BLMH: variants seen among roughly 807,000 people sequenced by gnomAD.
The protein encoded by BLMH is BLM hydrolase.
In BLMH, 32 loss-of-function variants were observed where a neutral mutation model predicts 61.6. That is an observed-to-expected ratio of 0.52 (90% confidence interval 0.39 to 0.70). The LOEUF is 0.70. BLMH is among the 30% of genes least tolerant of loss of function. The pLI, the probability that BLMH is intolerant of heterozygous loss-of-function variation, is 0.00. For missense variants in BLMH, 460 were observed against 555.5 expected (o/e 0.83, Z 1.73); for synonymous variants, 183 against 193.8 (o/e 0.94, Z 0.46).
intron 10 of BLMH, among the ~76,000 whole-genome samples, chr17:30,270,999 T>G (rs1463312233): frequency 6.6e-6 from 1 of 152,238 alleles, no homozygotes; most frequent in African/African-American, 2.4e-5. Context: ...CCTTGCTGAC[T>G]TCTCTTTAAA....
At chr17:30,287,134 C>A (rs1908755788) in intron 4 of BLMH, among the ~76,000 whole-genome samples, 1 of 152,122 alleles carries the variant, frequency 6.6e-6, no homozygotes, top group Non-Finnish European at 1.5e-5. Flanking sequence ...CAGCCTTGAA[C>A]TCCCAGGCTT....
chr17:30,291,116 G>A, intron 2 of BLMH, 195 bp downstream of exon 2: 1 of 631,534 alleles, frequency 1.6e-6, no homozygotes, highest in Admixed American at 2.9e-5. Context: ...CTAACCGCAT[G>A]TACTAACAAG....
At chr17:30,260,754 G>A (rs987765306) in intron 11 of BLMH, among the ~76,000 whole-genome samples, 12 of 152,074 alleles carry the variant, frequency 7.9e-5, no homozygotes, top group African/African-American at 2.9e-4. Flanking sequence ...ATGGTGGCAG[G>A]CACCTGTGAT....
chr17:30,256,133 T>C (rs1907808278), intron 11 of BLMH, among the ~76,000 whole-genome samples: 1 of 152,132 alleles, frequency 6.6e-6, no homozygotes, highest in Non-Finnish European at 1.5e-5. Flanking sequence ...GCAATCCTCC[T>C]GTTTTGGCCT....
chr17:30,282,547 C>T (rs547776653), intron 6 of BLMH, among the ~76,000 whole-genome samples: 20 of 152,132 alleles, frequency 1.3e-4, no homozygotes, highest in Admixed American at 2.0e-4. Context: ...TAAGGGGATC[C>T]GCAGGCTAAA....
At chr17:30,286,457 G>C (rs1020982303) in intron 5 of BLMH, among the ~76,000 whole-genome samples, 3 of 152,138 alleles carry the variant, frequency 2.0e-5, no homozygotes, top group Admixed American at 6.5e-5. Context: ...GCTCTTTTTG[G>C]TTTTACTAGC....
At chr17:30,275,476 T>A (rs567131653) in intron 6 of BLMH, among the ~76,000 whole-genome samples, 1 of 151,900 alleles carries the variant, frequency 6.6e-6, no homozygotes, top group African/African-American at 2.4e-5. Flanking sequence ...CTGGCCAACA[T>A]GGTGAAACCC....
intron 6 of BLMH, among the ~76,000 whole-genome samples, chr17:30,277,430 A>AAGGT (rs1908452621): frequency 6.6e-6 from 1 of 152,364 alleles, no homozygotes; most frequent in East Asian, 1.9e-4. Context: ...AATGACAATG[A>AAGGT]AGGTGTACAG....
chr17:30,250,343 C>T (rs978856696), intron 11 of BLMH: 6 of 152,162 alleles, frequency 3.9e-5, no homozygotes, highest in African/African-American at 1.4e-4. Flanking sequence ...AAAGGACTAA[C>T]ACCCAGAGTC....
intron 4 of BLMH, 72 bp from the exon 5 acceptor site, chr17:30,286,974 C>A: frequency 3.2e-6 from 3 of 949,128 alleles, no homozygotes; most frequent in Non-Finnish European, 4.9e-6. Context: ...GTGATTGTTT[C>A]AAAAAATAGG....
chr17:30,276,901 T>C (rs1268841450), intron 6 of BLMH, among the ~76,000 whole-genome samples: 1 of 152,262 alleles, frequency 6.6e-6, no homozygotes, highest in Non-Finnish European at 1.5e-5. Flanking sequence ...TTTTACTTTA[T>C]AACCATTGAT....
intron 11 of BLMH, chr17:30,249,388 T>G: frequency 1.9e-6 from 1 of 525,264 alleles, no homozygotes; most frequent in Non-Finnish European, 3.4e-6. Flanking sequence ...GGGTCTTGAG[T>G]AACTAGGTGA....
intron 6 of BLMH, among the ~76,000 whole-genome samples, chr17:30,277,316 A>C (rs550088475): frequency 6.6e-6 from 1 of 152,344 alleles, no homozygotes; most frequent in African/African-American, 2.4e-5. Context: ...TCTGTTTGGG[A>C]TTCACATTCA....
Position 30,285,385 on chromosome 17 carries a change from T to C in BLMH, c.645+3A>G, listed in dbSNP as rs1167336216. ...CACAAAAAAATCCAAATTTTGTTAT[T>C]ACCTCCTCCATCATGACGTCCTGTG... On this transcript the variant is annotated splice_donor_region_variant and intron_variant, in intron 6 of 11. Transcript: ENST00000261714. 5.6e-6 allele frequency: 9 copies of C among 1,604,708 alleles called. No individual in the cohort carries two copies. The highest frequency in any genetic ancestry group is 7.7e-6 in the Non-Finnish European group (9 of 1,175,540).
chr17:30,278,128 G>T (rs1349241442), intron 6 of BLMH, among the ~76,000 whole-genome samples: 1 of 151,880 alleles, frequency 6.6e-6, no homozygotes, highest in African/African-American at 2.4e-5. Context: ...ATGCTCCAAA[G>T]AATAATTTCC....
chr17:30,287,776 T>C (rs1295105906), intron 4 of BLMH, 30 bp downstream of exon 4: 1 of 1,611,696 alleles, frequency 6.2e-7, no homozygotes, highest in South Asian at 1.1e-5. Flanking sequence ...TCATGCTGAG[T>C]TTCAGTTCCA....
At chr17:30,253,292 A>G (rs1435078415) in intron 11 of BLMH, among the ~76,000 whole-genome samples, 3 of 152,242 alleles carry the variant, frequency 2.0e-5, no homozygotes, top group Non-Finnish European at 2.9e-5. Context: ...ATCTTGTTCC[A>G]AAAGCATATC....
At chr17:30,268,882 C>CA (rs571645144) in intron 10 of BLMH, among the ~76,000 whole-genome samples, 4,486 of 51,482 alleles carry the variant, frequency 0.087, 178 homozygotes, top group African/African-American at 0.21. Flanking sequence ...ACTAAAAATA[C>CA]AAAAAAAAAA....
chr17:30,271,347 A>G lies in BLMH; in HGVS notation c.1070T>C (p.Met357Thr), dbSNP rs1908265688. The G allele has an allele frequency of 6.2e-7, 1 of 1,614,170 alleles. No individual in the cohort carries two copies. Among genetic ancestry groups the G allele is most frequent in the East Asian group, 2.2e-5 (1 of 44,884 alleles). Reference sequence around the variant, plus strand: ...AAAAGTCAGCCTCTCCGCTTTATTCATGTTCTTCAAGGAGACACCAAACAC... The same window carrying G: ...AAAAGTCAGCCTCTCCGCTTTATTCGTGTTCTTCAAGGAGACACCAAACAC... ...ELVFGVSLKN[M>T]NKAERLTFGE... Residue 357 changes from methionine to threonine, a missense_variant, in exon 10 of 12, where the codon ATG (methionine) becomes ACG (threonine). Physicochemically the swap from Met to Thr is moderately conservative, Grantham distance 81. This residue lies in a region of BLMH where 310 missense variants were observed against 371.1 expected (regional missense o/e 0.84). Coordinates refer to ENST00000261714, the MANE Select transcript of BLMH (RefSeq NM_000386.4).
Sources: allele counts gnomAD v4.1 joint callset (sites outside exome capture counted in the v4.1 genomes callset), GRCh38; gene constraint gnomAD v4.1.1; regional missense constraint gnomAD v4.1.1; transcripts MANE v1.5; gene names NCBI Gene and HGNC (gene_info 2026-07-23, HGNC 2026-07-21).